ABCG2: variants seen among roughly 807,000 people sequenced by gnomAD.
The protein encoded by ABCG2 is broad substrate specificity ATP-binding cassette transporter ABCG2.
In ABCG2, 80 loss-of-function variants were observed where a neutral mutation model predicts 73.5. That is an observed-to-expected ratio of 1.09 (90% CI 0.91 to 1.31). The LOEUF (loss-of-function observed/expected upper bound fraction) is 1.31. Ranked by LOEUF, ABCG2 falls within the 50% of genes most tolerant of loss-of-function variation. The probability of loss-of-function intolerance (pLI) is 0.00; values close to 1 mark genes in which losing one functional copy is unlikely to be tolerated. For synonymous variants in ABCG2, 269 were observed against 282.4 expected (o/e 0.95, Z 0.48); for missense variants, 796 against 786.2 (o/e 1.01, Z -0.15).
intron 10 of ABCG2, among the ~76,000 whole-genome samples, chr4:88,101,963 G>A (rs1722455155): frequency 6.6e-6 from 1 of 152,226 alleles, no homozygotes; most frequent in South Asian, 2.1e-4. Flanking sequence ...CAGAAAAGTG[G>A]TAAGCTAAAT....
At chr4:88,147,625 C>G (rs1726148429) in intron 1 of ABCG2, among the ~76,000 whole-genome samples, 2 of 152,124 alleles carry the variant, frequency 1.3e-5, no homozygotes, top group African/African-American at 2.4e-5. Flanking sequence ...CTCAATTATT[C>G]CTATTAAGTG....
intron 3 of ABCG2, 104 bp downstream of exon 3, chr4:88,132,472 T>C: frequency 8.1e-7 from 1 of 1,241,832 alleles, no homozygotes. Flanking sequence ...CTGACATGCG[T>C]TGCAAATGCT....
intron 1 of ABCG2, among the ~76,000 whole-genome samples, chr4:88,145,402 G>A (rs187314870): frequency 1.3e-5 from 2 of 152,264 alleles, no homozygotes. Flanking sequence ...TGACAGATTT[G>A]TCCTGAGAGG....
chr4:88,105,023 G>C (rs1722682390), intron 10 of ABCG2, among the ~76,000 whole-genome samples: 1 of 151,990 alleles, frequency 6.6e-6, no homozygotes, highest in Non-Finnish European at 1.5e-5. Context: ...TATATTCTGT[G>C]CTGGGTTAAG....
chr4:88,211,358 G>GCCCGCC (rs1729583953), intron 1 of ABCG2, among the ~76,000 whole-genome samples: 1 of 33,646 alleles, frequency 3.0e-5, no homozygotes, highest in Admixed American at 4.4e-4. Flanking sequence ...TTCAACCCCT[G>GCCCGCC]CCCCACCCCC....
chr4:88,094,481 C>CT (rs1721850746), intron 15 of ABCG2, 96 bp downstream of exon 15: 7 of 1,029,712 alleles, frequency 6.8e-6, no homozygotes, highest in Admixed American at 4.5e-5. Flanking sequence ...AAATTCAGTG[C>CT]CCCTGGAAGG....
At chr4:88,209,764 GC>G (rs1340538920) in intron 1 of ABCG2, among the ~76,000 whole-genome samples, 2 of 152,134 alleles carry the variant, frequency 1.3e-5, no homozygotes, top group African/African-American at 4.8e-5. Flanking sequence ...AGTTTGATTA[GC>G]AGGGGTTGTG....
intron 1 of ABCG2, among the ~76,000 whole-genome samples, chr4:88,214,914 T>C (rs112528756): frequency 0.046 from 7,014 of 151,238 alleles, 249 homozygotes; most frequent in Non-Finnish European, 0.067. Flanking sequence ...AGAGCCACAA[T>C]GTCTGGCCTA....
At chr4:88,123,460 A>G (rs915248893) in intron 5 of ABCG2, among the ~76,000 whole-genome samples, 3 of 152,156 alleles carry the variant, frequency 2.0e-5, no homozygotes, top group East Asian at 1.9e-4. Context: ...AGTTTATAGA[A>G]GAACATAAAT....
chr4:88,228,563 T>C (rs550717465), intron 1 of ABCG2, among the ~76,000 whole-genome samples: 34 of 152,220 alleles, frequency 2.2e-4, no homozygotes, highest in Non-Finnish European at 4.9e-4. Flanking sequence ...AACCTCTGAT[T>C]ACAGACCATA....
At chr4:88,227,971 T>A (rs1032019740) in intron 1 of ABCG2, among the ~76,000 whole-genome samples, 1 of 152,138 alleles carries the variant, frequency 6.6e-6, no homozygotes, top group African/African-American at 2.4e-5. Context: ...TGTGTGCCTT[T>A]GGCAAATTGC....
chr4:88,114,608 CAA>C (rs1163240165), intron 8 of ABCG2, among the ~76,000 whole-genome samples: 1 of 140,720 alleles, frequency 7.1e-6, no homozygotes, highest in East Asian at 2.0e-4. Flanking sequence ...GCCTGGGTGA[CAA>C]GAGCTAGATT....
upstream of ABCG2, among the ~76,000 whole-genome samples, chr4:88,160,349 A>G (rs1204569904): frequency 6.6e-6 from 1 of 152,146 alleles, no homozygotes; most frequent in African/African-American, 2.4e-5. Flanking sequence ...TTTTCTTTTT[A>G]GCTCACCCAG....
intron 1 of ABCG2, among the ~76,000 whole-genome samples, chr4:88,155,136 G>GGA (rs1217708462): frequency 6.6e-6 from 1 of 152,100 alleles, no homozygotes; most frequent in Non-Finnish European, 1.5e-5. Flanking sequence ...AAAGGATTTA[G>GGA]GATCTATGGG....
chr4:88,118,064 A>T, intron 7 of ABCG2, 45 bp downstream of exon 7: 1 of 1,584,992 alleles, frequency 6.3e-7, no homozygotes, highest in Non-Finnish European at 8.6e-7. Context: ...CTCCTTCAGG[A>T]TTCTATTAAT....
intron 1 of ABCG2, among the ~76,000 whole-genome samples, chr4:88,152,581 G>A (rs1032879715): frequency 6.6e-5 from 10 of 152,086 alleles, no homozygotes; most frequent in African/African-American, 2.4e-4. Context: ...AATTTCACAA[G>A]GTAATGTCAT....
intron 1 of ABCG2, among the ~76,000 whole-genome samples, chr4:88,185,793 A>G (rs1281498734): frequency 1.3e-5 from 2 of 152,212 alleles, no homozygotes; most frequent in South Asian, 4.1e-4. Flanking sequence ...AATCAAAACT[A>G]TCATGAGATA....
intron 2 of ABCG2, among the ~76,000 whole-genome samples, chr4:88,136,922 G>A (rs570602819): frequency 1.1e-3 from 165 of 150,908 alleles, no homozygotes; most frequent in Non-Finnish European, 1.7e-3. Context: ...TGAGGCAGGA[G>A]AATCTCTTGA....
intron 1 of ABCG2, among the ~76,000 whole-genome samples, chr4:88,187,446 C>A (rs1444533303): frequency 6.6e-6 from 1 of 151,626 alleles, no homozygotes; most frequent in Non-Finnish European, 1.5e-5. Flanking sequence ...AACCCCATCT[C>A]TACTAAAAAT....
Sources: allele counts gnomAD v4.1 joint callset (sites outside exome capture counted in the v4.1 genomes callset), GRCh38; gene constraint gnomAD v4.1.1; transcripts MANE v1.5; gene names NCBI Gene and HGNC (gene_info 2026-07-23, HGNC 2026-07-21).